Variants in COL5A2 observed in about 807,000 individuals in gnomAD.
The protein encoded by COL5A2 is collagen type V alpha 2 chain, also known as collagen alpha-2(V) chain.
COL5A2 carries 23 observed loss-of-function variants against 208.2 expected under a neutral mutation model. The observed-to-expected ratio is 0.11, with a 90% CI of 0.08 to 0.16. COL5A2 has a LOEUF of 0.16. COL5A2 is among the 10% of genes least tolerant of loss of function. COL5A2 has a pLI of 1.00. For missense variants in COL5A2, 1,590 were observed against 1,956.4 expected, an observed-to-expected ratio of 0.81 and a Z score of 3.53; for synonymous variants, 625 against 628.5, an observed-to-expected ratio of 0.99 and a Z score of 0.08.
At chr2:189,313,698 A>T in the COL5A2 span, among the ~76,000 whole-genome samples, 21 of 152,208 alleles carry the variant, frequency 1.4e-4, no homozygotes, top group Non-Finnish European at 1.5e-4. Flanking sequence ...CGAAAGACCC[A>T]TCTCACATGC....
chr2:189,103,056 A>G (rs1373746077), intron 3 of COL5A2, among the ~76,000 whole-genome samples: 2 of 152,032 alleles, frequency 1.3e-5, no homozygotes, highest in Non-Finnish European at 2.9e-5. Context: ...TGATTATTTC[A>G]TGGCAGTACT....
intron 1 of COL5A2, among the ~76,000 whole-genome samples, chr2:189,124,524 T>C (rs537158524): frequency 1.7e-4 from 26 of 152,276 alleles, no homozygotes; most frequent in Non-Finnish European, 3.4e-4. Context: ...GCAAACAGAA[T>C]GCACCATGCT....
At chr2:189,105,162 A>G (rs1687125473) in intron 2 of COL5A2, among the ~76,000 whole-genome samples, 1 of 151,732 alleles carries the variant, frequency 6.6e-6, no homozygotes, top group Non-Finnish European at 1.5e-5. Flanking sequence ...TGGCTATTAA[A>G]AATAATATTG....
chr2:189,279,944 T>C, the COL5A2 span, among the ~76,000 whole-genome samples: 2 of 152,090 alleles, frequency 1.3e-5, no homozygotes. Context: ...GGGAGGTCAT[T>C]AGGTCATGAG....
At chr2:189,337,999 G>A in the COL5A2 span, among the ~76,000 whole-genome samples, 124 of 152,162 alleles carry the variant, frequency 8.1e-4, 1 homozygote, top group African/African-American at 2.8e-3. Context: ...AACATTTGTT[G>A]GAAAGATGAT....
chr2:189,290,002 A>C, the COL5A2 span, among the ~76,000 whole-genome samples: 1 of 152,212 alleles, frequency 6.6e-6, no homozygotes. Flanking sequence ...AAGGAAGCAC[A>C]AAAGACCTCG....
the COL5A2 span, among the ~76,000 whole-genome samples, chr2:189,366,352 C>T: frequency 2.0e-5 from 3 of 152,292 alleles, no homozygotes; most frequent in African/African-American, 4.8e-5. Flanking sequence ...AGCTATTTTG[C>T]CCCTCAGGGG....
the COL5A2 span, among the ~76,000 whole-genome samples, chr2:189,417,126 C>A: frequency 6.6e-6 from 1 of 152,094 alleles, no homozygotes; most frequent in Non-Finnish European, 1.5e-5. Context: ...AAACGTTCTT[C>A]TAGATTTCCT....
the COL5A2 span, among the ~76,000 whole-genome samples, chr2:189,401,813 A>G: frequency 1.3e-5 from 2 of 152,056 alleles, no homozygotes; most frequent in Admixed American, 1.3e-4. Context: ...GCATTTCTCT[A>G]ATGATCAGTG....
intron 1 of COL5A2, among the ~76,000 whole-genome samples, chr2:189,128,474 A>T (rs1687649759): frequency 6.6e-6 from 1 of 151,932 alleles, no homozygotes; most frequent in Non-Finnish European, 1.5e-5. Context: ...CTCATATTGA[A>T]GAGTTTGTTG....
At chr2:189,364,686 A>G in the COL5A2 span, among the ~76,000 whole-genome samples, 1 of 137,066 alleles carries the variant, frequency 7.3e-6, no homozygotes, top group African/African-American at 3.0e-5. Context: ...TCTGTCTCAG[A>G]AAAAAAAAAA....
intron 1 of COL5A2, among the ~76,000 whole-genome samples, chr2:189,148,567 G>C (rs1051097197): frequency 2.6e-5 from 4 of 152,034 alleles, no homozygotes; most frequent in African/African-American, 9.7e-5. Flanking sequence ...ATTAAGAAGA[G>C]AAAAACATTA....
chr2:189,380,098 G>A, the COL5A2 span, among the ~76,000 whole-genome samples: 3 of 151,766 alleles, frequency 2.0e-5, no homozygotes, highest in South Asian at 6.2e-4. Context: ...TACCATTATT[G>A]TAGTGAATTT....
the COL5A2 span, among the ~76,000 whole-genome samples, chr2:189,369,956 T>A: frequency 3.3e-4 from 50 of 152,290 alleles, no homozygotes; most frequent in African/African-American, 1.2e-3. Flanking sequence ...ACCCATAAAT[T>A]TATTGGGCAG....
chr2:189,343,967 C>T, the COL5A2 span, among the ~76,000 whole-genome samples: 13 of 152,270 alleles, frequency 8.5e-5, 1 homozygote, highest in South Asian at 2.7e-3. Context: ...TTAAAGCCAG[C>T]TTGTTTATTA....
the COL5A2 span, among the ~76,000 whole-genome samples, chr2:189,418,015 AT>A: frequency 6.6e-6 from 1 of 151,966 alleles, no homozygotes; most frequent in African/African-American, 2.4e-5. Flanking sequence ...TTGTTCATTT[AT>A]TTTTTTAATT....
intron 7 of COL5A2, among the ~76,000 whole-genome samples, chr2:189,090,750 G>A (rs1686767076): frequency 6.6e-6 from 1 of 152,110 alleles, no homozygotes; most frequent in Non-Finnish European, 1.5e-5. Flanking sequence ...ACAAGGCCTG[G>A]ATAACAGCAC....
At chr2:189,168,665 A>G (rs969710729) in intron 1 of COL5A2, among the ~76,000 whole-genome samples, 5 of 152,202 alleles carry the variant, frequency 3.3e-5, no homozygotes, top group African/African-American at 1.2e-4. Context: ...TTAAATCTCT[A>G]TAAATAAATT....
the COL5A2 span, among the ~76,000 whole-genome samples, chr2:189,239,644 A>G: frequency 6.8e-6 from 1 of 147,982 alleles, no homozygotes; most frequent in East Asian, 2.0e-4. Flanking sequence ...GGGGAGGGAT[A>G]GCATTGGGAG....
Sources: gnomAD v4.1 joint callset for allele counts (sites outside exome capture counted in the v4.1 genomes callset) on GRCh38, gnomAD v4.1.1 for gene constraint, MANE v1.5 for transcripts, NCBI Gene and HGNC (gene_info 2026-07-23, HGNC 2026-07-21) for gene names.